RNF220: variants seen among roughly 807,000 people sequenced by gnomAD.
RNF220 encodes the protein ring finger protein 220, also known as E3 ubiquitin-protein ligase RNF220.
A neutral mutation model predicts 67.1 loss-of-function variants in RNF220; 7 were observed. That is an observed-to-expected ratio of 0.10 (90% CI 0.06 to 0.20). RNF220 has a LOEUF of 0.20. Among genes scored for constraint, RNF220 ranks in the 10% least tolerant of loss-of-function variants. The pLI, the probability that RNF220 is intolerant of heterozygous loss-of-function variation, is 1.00. For synonymous variants in RNF220, 270 were observed against 283.2 expected (o/e 0.95, Z 0.47); for missense variants, 565 against 740.3 (o/e 0.76, Z 2.75).
In RNF220 at chr1:44,651,088, C is replaced by T. The variant is rs1644776663; in HGVS notation, c.*313C>T. 9.3e-6 allele frequency: 4 copies of T among 432,112 alleles called. No individual in the cohort carries two copies. The highest frequency in any genetic ancestry group is 4.5e-5 in the South Asian group (2 of 44,900). The allele number at this position is 432,112 out of a possible 1,614,324, so 26.8% of individuals were successfully genotyped here. On this transcript the variant is annotated 3_prime_UTR_variant, in exon 15 of 15. Coordinates refer to ENST00000361799, the MANE Select transcript of RNF220 (RefSeq NM_018150.4). The stretch of plus-strand genomic sequence containing the variant: ...GTGGGGCACGGCTCCTAAGATCCAG[C>T]CCCCATACTGACAGACGGACAGACA...
At chr1:44,636,678 C>G (rs1322135468) in intron 8 of RNF220, among the ~76,000 whole-genome samples, 1 of 152,200 alleles carries the variant, frequency 6.6e-6, no homozygotes, top group Admixed American at 6.5e-5. Context: ...CTCCCATGAG[C>G]TTCATTGGTG....
intron 2 of RNF220, among the ~76,000 whole-genome samples, chr1:44,478,729 A>G (rs1176648522): frequency 3.9e-5 from 6 of 152,072 alleles, no homozygotes; most frequent in East Asian, 1.9e-4. Context: ...CTCTAAAAAA[A>G]AGAGAGAGAG....
intron 2 of RNF220, among the ~76,000 whole-genome samples, chr1:44,543,168 C>G (rs967653395): frequency 2.0e-5 from 3 of 152,172 alleles, no homozygotes; most frequent in African/African-American, 7.2e-5. Context: ...AGCCCATCCC[C>G]AGGCCTTCCT....
At chr1:44,545,757 ATT>A (rs11372709) in intron 2 of RNF220, among the ~76,000 whole-genome samples, 7 of 140,688 alleles carry the variant, frequency 5.0e-5, no homozygotes, top group Non-Finnish European at 1.1e-4. Context: ...CAGAAACCCA[ATT>A]TTTTTTTTTT....
Position 44,451,337 on chromosome 1 carries a change from G to C in RNF220, c.625+38615G>C, listed in dbSNP as rs114058518. On this transcript the variant is annotated intron_variant, in intron 2 of 14. Transcript: ENST00000361799. ...ATTTTTGCAAATCTAATGAATAAAA[G>C]TATATTGTTCTTTTATAGATTTTCT... Among the ~76,000 whole-genome samples, 952 of 152,084 alleles carry C rather than the reference G, an allele frequency of 6.3e-3. 11 individuals are homozygous for C. Among genetic ancestry groups the C allele is most frequent in the African/African-American group, 0.021 (890 of 41,496 alleles).
rs185832525 is a variant in RNF220, at chr1:44,624,919, T to G, written c.805-1378T>G. Among the ~76,000 whole-genome samples, 1 of 152,230 alleles carries G rather than the reference T, an allele frequency of 6.6e-6. No individual in the cohort carries two copies. The highest frequency in any genetic ancestry group is 1.9e-4 in the East Asian group (1 of 5,178). On this transcript the variant is annotated intron_variant, in intron 4 of 14. Coordinates refer to ENST00000361799, the MANE Select transcript of RNF220 (RefSeq NM_018150.4). The surrounding 1 kb of genome is among the most constrained non-coding windows in gnomAD (Gnocchi z 4.2). ...TGCCGGGATTTTTTTTCAAAACACA[T>G]TTTACTGCTTTTTGGTCCATGTTTA...
At chr1:44,481,346 A>G (rs1429695706) in intron 2 of RNF220, among the ~76,000 whole-genome samples, 4 of 152,230 alleles carry the variant, frequency 2.6e-5, no homozygotes, top group Admixed American at 2.0e-4. Flanking sequence ...GAATCACTTG[A>G]GCTCAGGAAT....
chr1:44,567,553 T>G (rs1184303963), intron 2 of RNF220, among the ~76,000 whole-genome samples: 2 of 151,724 alleles, frequency 1.3e-5, no homozygotes, highest in African/African-American at 4.8e-5. Flanking sequence ...GAGAAGATCG[T>G]TTCTCAAGAT....
At chr1:44,531,953 C>T (rs1481570342) in intron 2 of RNF220, among the ~76,000 whole-genome samples, 1 of 152,224 alleles carries the variant, frequency 6.6e-6, no homozygotes, top group East Asian at 1.9e-4. Flanking sequence ...TGTCACCCCT[C>T]TCTAAGCCTC....
intron 12 of RNF220, among the ~76,000 whole-genome samples, chr1:44,646,319 T>G (rs1644645441): frequency 6.6e-6 from 1 of 152,190 alleles, no homozygotes; most frequent in African/African-American, 2.4e-5. Context: ...TTCCCTCCAT[T>G]TTGTGTTGTC....
chr1:44,603,154 C>T (rs1197715457), intron 2 of RNF220, among the ~76,000 whole-genome samples: 1 of 152,214 alleles, frequency 6.6e-6, no homozygotes, highest in Non-Finnish European at 1.5e-5. Flanking sequence ...CAATCTGATG[C>T]GCAGCAGCAA....
chr1:44,546,979 G>T (rs1378701010), intron 2 of RNF220, among the ~76,000 whole-genome samples: 1 of 152,214 alleles, frequency 6.6e-6, no homozygotes, highest in Non-Finnish European at 1.5e-5. Context: ...ATAAGCAAAG[G>T]AAGAGAAGGA....
At chr1:44,589,702 C>T (rs569724641) in intron 2 of RNF220, among the ~76,000 whole-genome samples, 26 of 151,940 alleles carry the variant, frequency 1.7e-4, no homozygotes, top group African/African-American at 5.6e-4. Flanking sequence ...ATTCCCAGGT[C>T]ATAGGAATTA....
chr1:44,480,018 C>T (rs561022985), intron 2 of RNF220, among the ~76,000 whole-genome samples: 2 of 152,272 alleles, frequency 1.3e-5, no homozygotes, highest in South Asian at 4.1e-4. Flanking sequence ...GCTTTTATAC[C>T]AGCTTCCTTG....
At chr1:44,577,011 A>C (rs1664855610) in intron 2 of RNF220, among the ~76,000 whole-genome samples, 1 of 152,230 alleles carries the variant, frequency 6.6e-6, no homozygotes, top group Admixed American at 6.5e-5. Flanking sequence ...GCATTTGCCA[A>C]GTATATATAG....
At position 44,437,995 on chromosome 1, in the gene RNF220, C is replaced by G. The variant is rs77448258; in HGVS notation, c.625+25273C>G. 4.4e-3 allele frequency among the ~76,000 whole-genome samples: 677 copies of G among 152,292 alleles called. 1 individual carries two copies. Among genetic ancestry groups the G allele is most frequent in the African/African-American group, 0.016 (645 of 41,568 alleles). On this transcript the variant is annotated intron_variant, in intron 2 of 14. Coordinates refer to ENST00000361799, the MANE Select transcript of RNF220 (RefSeq NM_018150.4). The stretch of plus-strand genomic sequence containing the variant: ...ACACTAACTTACTGTTTCTCAAACT[C>G]TTCTGGGAAAATACACATATAGAAG...
Position 44,412,790 on chromosome 1 carries a change from T to C in RNF220, c.625+68T>C. The C allele has an allele frequency of 1.3e-6, 2 of 1,540,482 alleles. No individual in the cohort carries two copies. Among genetic ancestry groups the C allele is most frequent in the Non-Finnish European group, 1.8e-6 (2 of 1,140,022 alleles). On this transcript the variant is annotated intron_variant, in intron 2 of 14. Transcript: ENST00000361799. This position sits in a 1 kb window ranked among gnomAD's most constrained non-coding sequence, Gnocchi z 5.3. ...CTGCCTCACCGTGATGTTCAACAGGTCGGTGGCGTTTTGCATGCTCCTAGT... is the reference window on the plus strand; with the variant it reads ...CTGCCTCACCGTGATGTTCAACAGGCCGGTGGCGTTTTGCATGCTCCTAGT...
chr1:44,505,593 A>G (rs188884844), intron 2 of RNF220, among the ~76,000 whole-genome samples: 5 of 152,342 alleles, frequency 3.3e-5, no homozygotes, highest in Admixed American at 2.6e-4. Context: ...ACCGTAAATA[A>G]TGGTAACTTT....
At chr1:44,555,132 A>G (rs977900808) in intron 2 of RNF220, among the ~76,000 whole-genome samples, 8 of 150,186 alleles carry the variant, frequency 5.3e-5, no homozygotes, top group African/African-American at 1.7e-4. Flanking sequence ...GCAGTGGCAT[A>G]ACACAGCTCA....
Sources: allele counts gnomAD v4.1 joint callset (sites outside exome capture counted in the v4.1 genomes callset), GRCh38; gene constraint gnomAD v4.1.1; non-coding constraint Gnocchi (gnomAD v3.1); transcripts MANE v1.5; gene names NCBI Gene and HGNC (gene_info 2026-07-23, HGNC 2026-07-21).